Variants in STKLD1 observed in about 807,000 individuals in gnomAD.
The protein encoded by STKLD1 is serine/threonine kinase like domain containing 1.
STKLD1 carries 79 observed loss-of-function variants against 80.4 expected under a neutral mutation model. That is an observed-to-expected ratio of 0.98 (90% CI 0.82 to 1.19). The LOEUF (loss-of-function observed/expected upper bound fraction) is 1.19, where lower values mean the gene tolerates loss of function less well. STKLD1 is among the 50% of genes most tolerant of loss of function. The pLI, the probability that STKLD1 is intolerant of heterozygous loss-of-function variation, is 0.00. For synonymous variants in STKLD1, 393 were observed against 357.6 expected, an observed-to-expected ratio of 1.10 and a Z score of -1.12; for missense variants, 841 against 856.0, an observed-to-expected ratio of 0.98 and a Z score of 0.22.
rs2130274868 is a variant in STKLD1, at chr9:133,385,590, TC to T, written c.220-25del. On this transcript the variant is annotated intron_variant, in intron 3 of 17. Coordinates refer to ENST00000371957, the MANE Select transcript of STKLD1 (RefSeq NM_153710.5). The surrounding 1 kb of genome is among the most constrained non-coding windows in gnomAD (Gnocchi z 4.9). ...AAAGGCGTGGAGAGGCACTGACTTC[TC>T]CGTTTCCTCTGCTCTATCCTGGCAG... 6.2e-7 allele frequency: 1 copy of T among 1,610,782 alleles called. No homozygotes were observed. The highest frequency in any genetic ancestry group is 1.1e-5 in the South Asian group (1 of 91,008).
intron 4 of STKLD1, among the ~76,000 whole-genome samples, chr9:133,386,156 T>C (rs1156289107): frequency 1.3e-5 from 2 of 152,186 alleles, no homozygotes; most frequent in Non-Finnish European, 2.9e-5. Context: ...TGACCTTAAG[T>C]GATCCGCCCG....
At chr9:133,396,818 G>A (rs1838575498) in intron 9 of STKLD1, among the ~76,000 whole-genome samples, 1 of 152,120 alleles carries the variant, frequency 6.6e-6, no homozygotes, top group African/African-American at 2.4e-5. Flanking sequence ...TCCAGCCTGG[G>A]TCATATTCAT....
Position 133,403,832 on chromosome 9 carries a change from AGCTGGGTGGGCGCCCTGGGCCCCTGGG to A in STKLD1, c.1603+11_1603+37del. ...TTCTGGCTGCTGTCCCTGCTGGGTG[AGCTGGGTGGGCGCCCTGGGCCCCTGGG>A]GCTGGGAGGGGTGGGCCTCATGGCA... On this transcript the variant is annotated splice_donor_5th_base_variant and intron_variant, in intron 15 of 17. Coordinates refer to ENST00000371957, the MANE Select transcript of STKLD1 (RefSeq NM_153710.5). 1 of 1,613,234 alleles carries A rather than the reference AGCTGGGTGGGCGCCCTGGGCCCCTGGG, an allele frequency of 6.2e-7. No homozygotes were observed. The highest frequency in any genetic ancestry group is 8.5e-7 in the Non-Finnish European group (1 of 1,179,836).
chr9:133,377,673 A>G (rs1235793047), intron 1 of STKLD1, among the ~76,000 whole-genome samples: 1 of 152,158 alleles, frequency 6.6e-6, no homozygotes, highest in Admixed American at 6.5e-5. Flanking sequence ...CAGAAAGAAA[A>G]AAAAAAATAG....
At chr9:133,378,166 T>C (rs1297050498) in intron 1 of STKLD1, among the ~76,000 whole-genome samples, 1 of 152,202 alleles carries the variant, frequency 6.6e-6, no homozygotes, top group Non-Finnish European at 1.5e-5. Flanking sequence ...GGCCACGGAC[T>C]AGGTTGGGGA....
chr9:133,392,054 G>A (rs1040343936), intron 7 of STKLD1, among the ~76,000 whole-genome samples: 2 of 150,778 alleles, frequency 1.3e-5, no homozygotes, highest in Non-Finnish European at 3.0e-5. Context: ...CAGGATGGCA[G>A]TTGCTGGTTG....
rs150929691 is a variant in STKLD1 at position 133,396,343 on chromosome 9, G to A, written c.866+580G>A. Among the ~76,000 whole-genome samples the A allele has an allele frequency of 7.7e-3, 1,168 of 152,118 alleles. 14 individuals carry two copies. Among genetic ancestry groups the A allele is most frequent in the African/African-American group, 0.027 (1,123 of 41,492 alleles). ...CCAGCTACTGGGGAGGCTGAGGCAG[G>A]AGGATCGCTCGAGCCCGGGAGGCAG... On this transcript the variant is annotated intron_variant, in intron 9 of 17. Coordinates refer to ENST00000371957, the MANE Select transcript of STKLD1 (RefSeq NM_153710.5).
At position 133,394,030 on chromosome 9, in the gene STKLD1, T is replaced by C; in HGVS notation, c.584-261T>C. 1 of 483,090 alleles carries C rather than the reference T, an allele frequency of 2.1e-6. No homozygotes were observed. Among genetic ancestry groups the C allele is most frequent in the Non-Finnish European group, 3.7e-6 (1 of 266,888 alleles). The allele number at this position is 483,090 out of a possible 1,614,324, so 29.9% of individuals were successfully genotyped here. ...AGGGCACACAGACACACCACCTATA[T>C]GGGCCAGCCTGGTGGGCACCCACCA... is the stretch of plus-strand genomic sequence containing the variant. On this transcript the variant is annotated intron_variant, in intron 7 of 17. Coordinates refer to ENST00000371957, the MANE Select transcript of STKLD1 (RefSeq NM_153710.5). This position sits in a 1 kb window ranked among gnomAD's most constrained non-coding sequence, Gnocchi z 4.9.
Position 133,394,250 on chromosome 9 carries a change from G to T in STKLD1, c.584-41G>T. 1 of 1,395,956 alleles carries T rather than the reference G, an allele frequency of 7.2e-7. No individual in the cohort carries two copies. The highest frequency in any genetic ancestry group is 1.0e-6 in the Non-Finnish European group (1 of 981,286). 86.5% of individuals were successfully genotyped at this position (1,395,956 alleles called of 1,614,324 possible). On this transcript the variant is annotated intron_variant, in intron 7 of 17. Coordinates refer to ENST00000371957, the MANE Select transcript of STKLD1 (RefSeq NM_153710.5). The surrounding 1 kb of genome is among the most constrained non-coding windows in gnomAD (Gnocchi z 4.9). The stretch of plus-strand genomic sequence containing the variant: ...ACTCTGTCAAGCCCCTGCCCCCAGG[G>T]AGCAAAGGACTCAGGGATCCCACCT...
chr9:133,395,739 A>T lies in STKLD1; in HGVS notation c.842A>T (p.Asp281Val). 6.2e-7 allele frequency: 1 copy of T among 1,613,258 alleles called. No individual in the cohort carries two copies. Among genetic ancestry groups the T allele is most frequent in the Non-Finnish European group, 8.5e-7 (1 of 1,179,956 alleles). The change falls in exon 9 of 18, where the codon GAC (aspartate) becomes GTC (valine). Residue 281 changes from aspartate to valine, a missense_variant. By Grantham distance (152) the Asp-to-Val change is radical. Transcript: ENST00000371957. ...CTTCTGCCCTTGATGCTCCAGATCG[A>T]CCCCTCGGATCGAATAACGATAAAG... Reference protein sequence around the residue: ...RNLLPLMLQIDPSDRITIKDV... With the variant: ...RNLLPLMLQIVPSDRITIKDV...
Position 133,390,785 on chromosome 9 carries a change from G to T in STKLD1, c.572G>T (p.Arg191Leu), listed in dbSNP as rs2130287329. Residue 191 changes from arginine (R) to leucine (L), a missense_variant, in exon 7 of 18, where the codon CGT becomes CTT. Arg to Leu is a moderately radical substitution (Grantham distance 102). Coordinates refer to ENST00000371957, the MANE Select transcript of STKLD1 (RefSeq NM_153710.5). This position sits in a 1 kb window ranked among gnomAD's most constrained non-coding sequence, Gnocchi z 5.1. ...LMTDKAKWNIRAEEDPFRKSW... is the reference protein window; with the variant it reads ...LMTDKAKWNILAEEDPFRKSW... ...ACAGACAAAGCCAAATGGAATATTC[G>T]TGCGGAGGAAGGTGGCAGGGGCTCC... 6.2e-7 allele frequency: 1 copy of T among 1,613,602 alleles called. No individual in the cohort carries two copies.
At chr9:133,383,966 CCTT>C in intron 3 of STKLD1, 66 bp downstream of exon 3, 1 of 1,473,972 alleles carries the variant, frequency 6.8e-7, no homozygotes, top group African/African-American at 1.4e-5. Context: ...GTGTTCTGTA[CCTT>C]CTTGTTGAGT....
intron 2 of STKLD1, among the ~76,000 whole-genome samples, chr9:133,382,967 G>T (rs934245593): frequency 6.8e-6 from 1 of 146,552 alleles, no homozygotes; most frequent in Non-Finnish European, 1.5e-5. Flanking sequence ...TGTGATGGTG[G>T]TGATGGTGTG....
chr9:133,378,473 C>G (rs1193019944), intron 1 of STKLD1, among the ~76,000 whole-genome samples: 3 of 152,270 alleles, frequency 2.0e-5, no homozygotes, highest in African/African-American at 7.2e-5. Flanking sequence ...AGAGTTACCC[C>G]AGGCAGTGTC....
In STKLD1 at chr9:133,400,500, G is replaced by T; in HGVS notation, c.1169G>T (p.Cys390Phe). The T allele has an allele frequency of 6.2e-7, 1 of 1,613,128 alleles. No individual in the cohort carries two copies. Among genetic ancestry groups the T allele is most frequent in the South Asian group, 1.1e-5 (1 of 91,086 alleles). Residue 390 changes from cysteine (C) to phenylalanine (F), a missense_variant, in exon 12 of 18, where the codon TGC becomes TTC. Coordinates refer to ENST00000371957, the MANE Select transcript of STKLD1 (RefSeq NM_153710.5). The part of the protein sequence containing the change: ...DRVLDVQLCA[C>F]SLLLHLLGQA... ...GTCCTCGATGTCCAGCTGTGTGCCT[G>T]CTCCCTGCTGCTGCACCTCCTGGGC...
At position 133,400,516 on chromosome 9, in the gene STKLD1, C is replaced by T. The variant is rs1472992967; in HGVS notation, c.1185C>T (p.His395=). 1.2e-6 allele frequency: 2 copies of T among 1,612,578 alleles called. No individual in the cohort carries two copies. The highest frequency in any genetic ancestry group is 2.7e-5 in the African/African-American group (2 of 74,950). ...TGTGTGCCTGCTCCCTGCTGCTGCA[C>T]CTCCTGGGCCAAGGTGGGTGCCAAA... ...VQLCACSLLL[H]LLGQALVHHP... Residue 395 remains histidine (H), a synonymous_variant, in exon 12 of 18, where the codon CAC becomes CAT. Coordinates refer to ENST00000371957, the MANE Select transcript of STKLD1 (RefSeq NM_153710.5).
intron 2 of STKLD1, among the ~76,000 whole-genome samples, chr9:133,379,364 C>T (rs1243562041): frequency 6.6e-6 from 1 of 152,236 alleles, no homozygotes; most frequent in Non-Finnish European, 1.5e-5. Context: ...TTACGCATCA[C>T]GTGCTGTATG....
chr9:133,404,565 C>T (rs782531310), intron 16 of STKLD1, among the ~76,000 whole-genome samples: 2 of 152,164 alleles, frequency 1.3e-5, no homozygotes, highest in Non-Finnish European at 2.9e-5. Flanking sequence ...AGAGTGACAA[C>T]GACCCCTTTG....
Position 133,389,467 on chromosome 9 carries a change from C to A in STKLD1, c.397-59C>A. ...TCCTGCTGGCTGCTCTGAGTGTCAC[C>A]CCCCTGAAAGCAGCACAGGGTGCCC... On this transcript the variant is annotated intron_variant, in intron 5 of 17. Transcript: ENST00000371957. The surrounding 1 kb of genome is among the most constrained non-coding windows in gnomAD (Gnocchi z 6.4). 2 of 1,593,592 alleles carry A rather than the reference C, an allele frequency of 1.3e-6. No homozygotes were observed. The highest frequency in any genetic ancestry group is 1.1e-5 in the South Asian group (1 of 88,314).
Sources: gnomAD v4.1 joint callset for allele counts (sites outside exome capture counted in the v4.1 genomes callset) on GRCh38, gnomAD v4.1.1 for gene constraint, Gnocchi (gnomAD v3.1) non-coding constraint, MANE v1.5 for transcripts, NCBI Gene and HGNC (gene_info 2026-07-23, HGNC 2026-07-21) for gene names.